Variants in TOP2B observed in about 807,000 individuals in gnomAD.
TOP2B encodes DNA topoisomerase II beta.
TOP2B carries 51 observed loss-of-function variants against 193.5 expected under a neutral mutation model. That is an observed-to-expected ratio of 0.26 (90% CI 0.21 to 0.33). TOP2B has a LOEUF of 0.33. Ranked by LOEUF, TOP2B falls within the 10% of genes least tolerant of loss-of-function variation. TOP2B has a pLI of 1.00. For synonymous variants in TOP2B, 634 were observed against 635.7 expected (o/e 1.00, Z 0.04); for missense variants, 1,378 against 1,909.3 (o/e 0.72, Z 5.19).
chr3:25,627,188 A>C lies in TOP2B; in HGVS notation c.2015T>G (p.Leu672Trp). ...CTTTTAAAAAATTAACTTAATTACC[A>C]AGGTAATGGCAGCATCATCTTCAGG... ...AGPEDDAAIT[L>W]AFSKKKIDDR... Residue 672 changes from leucine to tryptophan, a missense_variant and splice_region_variant, in exon 16 of 36, where the codon TTG (leucine) becomes TGG (tryptophan). Leu to Trp is a moderately conservative substitution (Grantham distance 61). Around this residue, in one of 9 missense-constraint regions of TOP2B, gnomAD observed 379 missense variants for 615.1 expected, o/e 0.62. Transcript: ENST00000264331. 1 of 1,588,694 alleles carries C rather than the reference A, an allele frequency of 6.3e-7. No individual in the cohort carries two copies.
At chr3:25,608,821 T>A (rs1327023731) in intron 30 of TOP2B, among the ~76,000 whole-genome samples, 1 of 152,118 alleles carries the variant, frequency 6.6e-6, no homozygotes, top group Non-Finnish European at 1.5e-5. Flanking sequence ...GGGAGGAAAT[T>A]TTTCATGATA....
chr3:25,608,328 T>A (rs752090153), intron 30 of TOP2B, among the ~76,000 whole-genome samples: 23 of 152,228 alleles, frequency 1.5e-4, no homozygotes, highest in African/African-American at 5.3e-4. Flanking sequence ...GGAATAAAAT[T>A]TTTAAATTAC....
At chr3:25,645,223 C>T in intron 2 of TOP2B, 77 bp downstream of exon 2, 3 of 1,307,894 alleles carry the variant, frequency 2.3e-6, no homozygotes, top group South Asian at 1.7e-5. Context: ...CAAGTAATTA[C>T]AATAATTTTA....
chr3:25,629,144 TC>T lies in TOP2B; in HGVS notation c.1690del (p.Asp564IlefsTer7), dbSNP rs1197537677. On this transcript the variant is annotated frameshift_variant and splice_region_variant, in exon 14 of 36. Transcript: ENST00000264331. LOFTEE classifies it high-confidence loss of function. ...YGKIMIMTDQ[D>X]QDGSHIKGLL... ...GCCTTTTATGTGAGAACCATCTTGATCCTAAATAAATGTTAGTAAAGTAAAA... is the reference window on the plus strand; with the variant it reads ...GCCTTTTATGTGAGAACCATCTTGATCTAAATAAATGTTAGTAAAGTAAAA... 2 of 1,563,706 alleles carry T rather than the reference TC, an allele frequency of 1.3e-6. No individual in the cohort carries two copies. The highest frequency in any genetic ancestry group is 1.7e-6 in the Non-Finnish European group (2 of 1,156,304).
At chr3:25,601,058 AC>A in intron 34 of TOP2B, 41 bp downstream of exon 34, 2 of 1,584,838 alleles carry the variant, frequency 1.3e-6, no homozygotes, top group Non-Finnish European at 1.7e-6. Context: ...AATCTTTTCC[AC>A]ACAGCATATG....
Position 25,612,709 on chromosome 3 carries a change from T to C in TOP2B, c.3592A>G (p.Lys1198Glu). ...TCTTCTCGTTCTTGAGATTCCACTT[T>C]CTAAAGTATAATCATAAGGCAGAAG... Reference protein sequence around the residue: ...DLAAFVEELDKVESQEREDVL... With the variant: ...DLAAFVEELDEVESQEREDVL... Residue 1198 changes from lysine to glutamate, a missense_variant and splice_region_variant, in exon 28 of 36, where the codon AAA becomes GAA. Around this residue, in one of 9 missense-constraint regions of TOP2B, gnomAD observed 556 missense variants for 584.2 expected, o/e 0.95. Coordinates refer to ENST00000264331, the MANE Select transcript of TOP2B (RefSeq NM_001330700.2). The C allele has an allele frequency of 6.2e-7, 1 of 1,612,632 alleles. No homozygotes were observed. Among genetic ancestry groups the C allele is most frequent in the African/African-American group, 1.3e-5 (1 of 74,980 alleles).
intron 27 of TOP2B, among the ~76,000 whole-genome samples, chr3:25,613,202 G>A (rs1702421052): frequency 6.6e-6 from 1 of 152,094 alleles, no homozygotes; most frequent in Non-Finnish European, 1.5e-5. Context: ...TTGAACTCAG[G>A]CAGGTCTATG....
chr3:25,630,181 G>A, intron 12 of TOP2B, 27 bp from the exon 13 acceptor site: 1 of 1,529,318 alleles, frequency 6.5e-7, no homozygotes. Context: ...AGCACTGAGA[G>A]TAGTTTGAAG....
rs141107007 is a variant in TOP2B at position 25,638,028 on chromosome 3, A to G, written c.541+137T>C. Reference sequence around the variant, plus strand: ...ACTGTTAAACTATTACCAAGACAATATTTATACATGATAGTTTATAAATAT... The same window carrying G: ...ACTGTTAAACTATTACCAAGACAATGTTTATACATGATAGTTTATAAATAT... On this transcript the variant is annotated intron_variant, in intron 5 of 35. Transcript: ENST00000264331. 50 of 868,422 alleles carry G rather than the reference A, an allele frequency of 5.8e-5. No homozygotes were observed. In the African/African-American group the frequency reaches 7.2e-4, roughly 12 times the overall value. 53.8% of individuals were successfully genotyped at this position (868,422 alleles called of 1,614,324 possible).
At position 25,635,802 on chromosome 3, in the gene TOP2B, A is replaced by G. The variant is rs193068429; in HGVS notation, c.852+134T>C. 3.0e-5 allele frequency: 20 copies of G among 663,438 alleles called. No homozygotes were observed. The African/African-American group carries it at 3.5e-4, about 11-fold the overall frequency. The allele number at this position is 663,438 out of a possible 1,614,324, so 41.1% of individuals were successfully genotyped here. On this transcript the variant is annotated intron_variant, in intron 7 of 35. Coordinates refer to ENST00000264331, the MANE Select transcript of TOP2B (RefSeq NM_001330700.2). ...GAAGAAATAATGGCCAAATGTATCA[A>G]TAATCACTTTAAATGTGAATCATCT...
At chr3:25,653,244 G>T (rs536104104) in intron 1 of TOP2B, among the ~76,000 whole-genome samples, 2 of 152,202 alleles carry the variant, frequency 1.3e-5, no homozygotes, top group South Asian at 2.1e-4. Context: ...ACCAAAAAAT[G>T]AGGGGCAGGG....
intron 25 of TOP2B, among the ~76,000 whole-genome samples, chr3:25,617,238 T>C (rs1191147868): frequency 6.6e-6 from 1 of 152,028 alleles, no homozygotes; most frequent in Non-Finnish European, 1.5e-5. Context: ...AAAAAACATA[T>C]AGTTTAAACC....
In TOP2B at chr3:25,618,861, A is replaced by T; in HGVS notation, c.3064-12T>A. 1 of 1,581,224 alleles carries T rather than the reference A, an allele frequency of 6.3e-7. No homozygotes were observed. The highest frequency in any genetic ancestry group is 8.6e-7 in the Non-Finnish European group (1 of 1,161,248). On this transcript the variant is annotated splice_polypyrimidine_tract_variant and intron_variant, in intron 23 of 35. Coordinates refer to ENST00000264331, the MANE Select transcript of TOP2B (RefSeq NM_001330700.2). ...TGATCAAAAAGTACCTAAGCAAAAC[A>T]CATATACTTTGCAGATCATATAGAT... is the stretch of plus-strand genomic sequence containing the variant.
chr3:25,648,853 G>C (rs1188377461), intron 1 of TOP2B, among the ~76,000 whole-genome samples: 1 of 152,028 alleles, frequency 6.6e-6, no homozygotes, highest in African/African-American at 2.4e-5. Flanking sequence ...CAGAGCAAGA[G>C]CCTGTCTCAA....
In TOP2B at chr3:25,611,929, G is replaced by T. The variant is rs1009355808; in HGVS notation, c.3786+586C>A. Among the ~76,000 whole-genome samples, 7 of 151,740 alleles carry T rather than the reference G, an allele frequency of 4.6e-5. No individual in the cohort carries two copies. In the South Asian group the frequency reaches 6.3e-4, roughly 14 times the overall value. ...TGTTTTGTTTTGTTTTGGCTTCCAA[G>T]ATTTTTATTTTTATTTATTTATTTT... On this transcript the variant is annotated intron_variant, in intron 28 of 35. Transcript: ENST00000264331.
chr3:25,622,380 CTT>C (rs1393659413), intron 21 of TOP2B, among the ~76,000 whole-genome samples: 4 of 152,114 alleles, frequency 2.6e-5, no homozygotes, highest in Non-Finnish European at 5.9e-5. Context: ...TAAAGAATAA[CTT>C]TCACTTTAAA....
At chr3:25,662,932 T>C (rs1478434415) in intron 1 of TOP2B, among the ~76,000 whole-genome samples, 1 of 152,244 alleles carries the variant, frequency 6.6e-6, no homozygotes, top group Non-Finnish European at 1.5e-5. Flanking sequence ...TGCATGTATG[T>C]GTCCATCTCC....
intron 30 of TOP2B, among the ~76,000 whole-genome samples, 192 bp from the exon 31 acceptor site, chr3:25,607,567 T>G (rs1396864337): frequency 6.6e-6 from 1 of 152,186 alleles, no homozygotes; most frequent in African/African-American, 2.4e-5. Context: ...ATGTCTGTCT[T>G]ACACTTTCCA....
Position 25,636,719 on chromosome 3 carries a change from T to C in TOP2B, c.639+496A>G, listed in dbSNP as rs184209113. 5.0e-3 allele frequency among the ~76,000 whole-genome samples: 768 copies of C among 152,134 alleles called. 12 individuals are homozygous for C. The highest frequency in any genetic ancestry group is 0.017 in the African/African-American group (726 of 41,544). On this transcript the variant is annotated intron_variant, in intron 6 of 35. Transcript: ENST00000264331. ...ATATAGACTTTTACAAAAATAAACA[T>C]GCATGATGCTTTTCCTGAGAAAATT...
Sources: gnomAD v4.1 joint callset for allele counts (sites outside exome capture counted in the v4.1 genomes callset) on GRCh38, gnomAD v4.1.1 for gene constraint, gnomAD v4.1.1 regional missense constraint, MANE v1.5 for transcripts, NCBI Gene and HGNC (gene_info 2026-07-23, HGNC 2026-07-21) for gene names.